Variants in CENPK observed in about 807,000 individuals in gnomAD.
The protein encoded by CENPK is SoxLZ/Sox6-binding protein Solt.
A neutral mutation model predicts 40.9 loss-of-function variants in CENPK; 46 were observed. The observed-to-expected ratio is 1.13, with a 90% confidence interval of 0.89 to 1.44. CENPK has a LOEUF of 1.44. Among genes scored for constraint, CENPK ranks in the 40% most tolerant of loss-of-function variants. The pLI is 0.00. For synonymous variants in CENPK, 107 were observed against 104.4 expected, an observed-to-expected ratio of 1.02 and a Z score of -0.15; for missense variants, 288 against 303.5, an observed-to-expected ratio of 0.95 and a Z score of 0.38.
downstream of CENPK, among the ~76,000 whole-genome samples, chr5:65,516,392 A>G (rs1742856967): frequency 6.6e-6 from 1 of 152,216 alleles, no homozygotes; most frequent in South Asian, 2.1e-4. Flanking sequence ...AGCATCTTGT[A>G]CAATTCCATT....
At chr5:65,498,044 T>C in the CENPK span, among the ~76,000 whole-genome samples, 3 of 152,204 alleles carry the variant, frequency 2.0e-5, no homozygotes, top group Non-Finnish European at 2.9e-5. Context: ...AAATTTCTTA[T>C]ACTGTATGTA....
At chr5:65,547,159 G>A (rs1329813222) in intron 5 of CENPK, among the ~76,000 whole-genome samples, 1 of 152,078 alleles carries the variant, frequency 6.6e-6, no homozygotes, top group Non-Finnish European at 1.5e-5. Flanking sequence ...TTGGGAGGCT[G>A]ACGCAGGAGG....
the CENPK span, among the ~76,000 whole-genome samples, chr5:65,504,421 CCCTCCAG>C: frequency 6.7e-6 from 1 of 148,838 alleles, no homozygotes; most frequent in Admixed American, 6.8e-5. Flanking sequence ...CGTGCCATTG[CCCTCCAG>C]CCTGGGAGAC....
At chr5:65,556,979 A>G (rs915779541) in intron 2 of CENPK, among the ~76,000 whole-genome samples, 1 of 152,220 alleles carries the variant, frequency 6.6e-6, no homozygotes, top group African/African-American at 2.4e-5. Context: ...TTCTCAACAC[A>G]TATCCCCGTT....
At chr5:65,519,893 T>G (rs1743401850) in intron 10 of CENPK, among the ~76,000 whole-genome samples, 1 of 152,218 alleles carries the variant, frequency 6.6e-6, no homozygotes, top group African/African-American at 2.4e-5. Flanking sequence ...TATTTTGCAT[T>G]TCTAATTTTA....
rs572467649 is a variant in CENPK at position 65,522,061 on chromosome 5, ATAGT to A, written c.598-537_598-534del. On this transcript the variant is annotated intron_variant, in intron 9 of 10. Transcript: ENST00000396679. ...ATCTTCTAAGACAGTGAAAACTCTTATAGTAACTGGAAGATACAATTAAAACTAT... is the reference window on the plus strand; with the variant it reads ...ATCTTCTAAGACAGTGAAAACTCTTAAACTGGAAGATACAATTAAAACTAT... Among the ~76,000 whole-genome samples the A allele has an allele frequency of 3.7e-3, 563 of 152,336 alleles. 2 individuals are homozygous for A. Among genetic ancestry groups the A allele is most frequent in the African/African-American group, 0.013 (532 of 41,576 alleles).
At chr5:65,503,000 C>T in the CENPK span, among the ~76,000 whole-genome samples, 111,803 of 151,476 alleles carry the variant, frequency 0.74, 41,509 homozygotes, top group East Asian at 0.89. Flanking sequence ...GGTTTCACCA[C>T]ATTGGCCAGG....
rs1375448951 is a variant in CENPK at position 65,561,550 on chromosome 5, C to G, written c.-127G>C. On this transcript the variant is annotated 5_prime_UTR_variant, in exon 2 of 11. Coordinates refer to ENST00000396679, the MANE Select transcript of CENPK (RefSeq NM_022145.5). The stretch of plus-strand genomic sequence containing the variant: ...AAATGATGGCACCCAGATCTTGAAT[C>G]TCCAGCCTCTAGACCTGTGAGAAAT... 3 of 455,658 alleles carry G rather than the reference C, an allele frequency of 6.6e-6. No individual in the cohort carries two copies. Among genetic ancestry groups the G allele is most frequent in the South Asian group, 4.6e-5 (3 of 64,538 alleles). 28.2% of individuals were successfully genotyped at this position (455,658 alleles called of 1,614,324 possible).
chr5:65,496,041 G>A, the CENPK span, among the ~76,000 whole-genome samples: 1 of 152,156 alleles, frequency 6.6e-6, no homozygotes, highest in Non-Finnish European at 1.5e-5. Flanking sequence ...TGGATTGCTT[G>A]AGCCCAGAAG....
rs147863579 is a variant in CENPK, at chr5:65,518,542, C to T, written c.743G>A (p.Arg248His). Residue 248 changes from arginine (R) to histidine (H), a missense_variant, in exon 11 of 11, where the codon CGT (arginine) becomes CAT (histidine). Physicochemically the swap from Arg to His is conservative, Grantham distance 29. Coordinates refer to ENST00000396679, the MANE Select transcript of CENPK (RefSeq NM_022145.5). ...TGGATGTCTCAAGGCAATTCCATTA[C>T]GCAGCAGCAGCTCAACATAAGGTGG... ...FWPPYVELLL[R>H]NGIALRHPED... The T allele has an allele frequency of 5.6e-6, 9 of 1,613,292 alleles. No individual in the cohort carries two copies. The highest frequency in any genetic ancestry group is 2.7e-5 in the African/African-American group (2 of 74,878).
chr5:65,536,102 T>C (rs909106528), intron 6 of CENPK, among the ~76,000 whole-genome samples: 1 of 152,188 alleles, frequency 6.6e-6, no homozygotes, highest in Non-Finnish European at 1.5e-5. Flanking sequence ...ACAATCCCCT[T>C]CTTATTTTTA....
downstream of CENPK, among the ~76,000 whole-genome samples, chr5:65,513,477 A>G (rs1450085832): frequency 6.6e-6 from 1 of 152,094 alleles, no homozygotes; most frequent in Non-Finnish European, 1.5e-5. Flanking sequence ...CTTTCATGAG[A>G]CTTTTGTAGT....
At chr5:65,522,306 G>A (rs939346771) in intron 9 of CENPK, among the ~76,000 whole-genome samples, 5 of 152,148 alleles carry the variant, frequency 3.3e-5, no homozygotes, top group African/African-American at 1.2e-4. Flanking sequence ...TCCTTGGAAC[G>A]ACGAGAATAA....
intron 2 of CENPK, among the ~76,000 whole-genome samples, chr5:65,559,941 T>C (rs752649918): frequency 2.0e-5 from 3 of 151,772 alleles, no homozygotes; most frequent in Non-Finnish European, 4.4e-5. Flanking sequence ...ATATAAATCT[T>C]CCTCATTTTT....
At chr5:65,542,998 CTT>C (rs935350504) in intron 5 of CENPK, 150 bp from the exon 6 acceptor site, 10 of 625,414 alleles carry the variant, frequency 1.6e-5, no homozygotes, top group Non-Finnish European at 2.4e-5. Flanking sequence ...GAGTTTCCCT[CTT>C]GTCACCCAGG....
chr5:65,538,051 A>G (rs1747277292), intron 6 of CENPK, among the ~76,000 whole-genome samples: 1 of 152,034 alleles, frequency 6.6e-6, no homozygotes, highest in South Asian at 2.1e-4. Flanking sequence ...TGCTATTCCA[A>G]TTTTTGTACT....
chr5:65,518,506 G>A lies in CENPK; in HGVS notation c.779C>T (p.Thr260Ile). 6.2e-7 allele frequency: 1 copy of A among 1,612,484 alleles called. No homozygotes were observed. The highest frequency in any genetic ancestry group is 8.5e-7 in the Non-Finnish European group (1 of 1,179,612). Reference protein sequence around the residue: ...GIALRHPEDPTRIRLEAFHQ With the variant: ...GIALRHPEDPIRIRLEAFHQ ...ATGGAAAGCTTCTAATCTTATTCGGGTTGGATCTTCTGGATGTCTCAAGGC... is the reference window on the plus strand; with the variant it reads ...ATGGAAAGCTTCTAATCTTATTCGGATTGGATCTTCTGGATGTCTCAAGGC... The change falls in exon 11 of 11, where the codon ACC becomes ATC. Residue 260 changes from threonine to isoleucine, a missense_variant. Transcript: ENST00000396679.
At chr5:65,515,876 A>C (rs1742818131), downstream of CENPK, among the ~76,000 whole-genome samples, 1 of 152,242 alleles carries the variant, frequency 6.6e-6, no homozygotes, top group South Asian at 2.1e-4. Context: ...AGGTGACTTA[A>C]GCAACAGAAA....
intron 5 of CENPK, among the ~76,000 whole-genome samples, chr5:65,547,252 G>C (rs1749166759): frequency 1.3e-5 from 2 of 152,046 alleles, no homozygotes; most frequent in South Asian, 4.1e-4. Flanking sequence ...AATTAGCCAG[G>C]CATGATGGCA....
Sources: gnomAD v4.1 joint callset for allele counts (sites outside exome capture counted in the v4.1 genomes callset) on GRCh38, gnomAD v4.1.1 for gene constraint, MANE v1.5 for transcripts, NCBI Gene and HGNC (gene_info 2026-07-23, HGNC 2026-07-21) for gene names.